RFX4: variants seen among roughly 807,000 people sequenced by gnomAD.
RFX4 encodes the protein regulatory factor X4, also known as transcription factor RFX4.
A neutral mutation model predicts 95.0 loss-of-function variants in RFX4; 10 were observed. The observed-to-expected ratio is 0.11, with a 90% CI of 0.06 to 0.18. The LOEUF (loss-of-function observed/expected upper bound fraction) is 0.18. RFX4 is among the 10% of genes least tolerant of loss of function. RFX4 has a pLI of 1.00. For missense variants in RFX4, 640 were observed against 922.0 expected, an observed-to-expected ratio of 0.69 and a Z score of 3.96; for synonymous variants, 321 against 340.7, an observed-to-expected ratio of 0.94 and a Z score of 0.64.
At chr12:106,642,072 G>A (rs571879247) in intron 3 of RFX4, among the ~76,000 whole-genome samples, 19 of 151,652 alleles carry the variant, frequency 1.3e-4, no homozygotes, top group African/African-American at 3.9e-4. Context: ...GTGCAATGGC[G>A]TGAGCTCGGT....
intron 4 of RFX4, among the ~76,000 whole-genome samples, chr12:106,674,858 C>T (rs1463943654): frequency 6.6e-6 from 1 of 152,120 alleles, no homozygotes; most frequent in African/African-American, 2.4e-5. Flanking sequence ...TGAATGAATC[C>T]CTGCTTTGTA....
chr12:106,704,856 G>A (rs560213925), intron 8 of RFX4, among the ~76,000 whole-genome samples: 5 of 152,116 alleles, frequency 3.3e-5, no homozygotes, highest in East Asian at 1.9e-4. Context: ...TGTGTGTGTC[G>A]TATGGGCAGG....
chr12:106,630,656 T>C (rs2040401491), intron 2 of RFX4, among the ~76,000 whole-genome samples: 1 of 152,156 alleles, frequency 6.6e-6, no homozygotes, highest in Non-Finnish European at 1.5e-5. Context: ...TGAAAGGAAA[T>C]AGAATTAGAA....
At chr12:106,731,658 G>A (rs2042612653) in intron 13 of RFX4, among the ~76,000 whole-genome samples, 1 of 152,206 alleles carries the variant, frequency 6.6e-6, no homozygotes, top group African/African-American at 2.4e-5. Flanking sequence ...ATTATGTCAG[G>A]TACATTAGTA....
Position 106,596,953 on chromosome 12 carries a change from G to A in RFX4, c.44-11844G>A, listed in dbSNP as rs918262556. On this transcript the variant is annotated intron_variant, in intron 1 of 17. Coordinates refer to ENST00000392842, the MANE Select transcript of RFX4 (RefSeq NM_213594.3). ...TACTTTCTAGGAAGCCTGGCCCAAG[G>A]GCCCCTGCAAACTTGTTTGTGCCTG... 3.3e-5 allele frequency among the ~76,000 whole-genome samples: 5 copies of A among 152,280 alleles called. No homozygotes were observed. The South Asian group carries it at 8.3e-4, about 25-fold the overall frequency.
chr12:106,697,895 T>C (rs1428175718), intron 8 of RFX4, among the ~76,000 whole-genome samples: 3 of 152,144 alleles, frequency 2.0e-5, no homozygotes, highest in Admixed American at 1.3e-4. Flanking sequence ...TACTATAAAA[T>C]ACAATGCTAG....
At chr12:106,611,528 T>G (rs556306922) in intron 2 of RFX4, among the ~76,000 whole-genome samples, 53 of 151,994 alleles carry the variant, frequency 3.5e-4, no homozygotes, top group African/African-American at 1.2e-3. Flanking sequence ...TTTTTTTTTT[T>G]CAGACAGAGT....
At chr12:106,601,835 C>T (rs957254705) in intron 1 of RFX4, among the ~76,000 whole-genome samples, 1 of 152,222 alleles carries the variant, frequency 6.6e-6, no homozygotes, top group Non-Finnish European at 1.5e-5. Context: ...CCAGGCCTTT[C>T]ACAGCTTTGT....
chr12:106,720,990 ACATCTCTTC>A lies in RFX4; in HGVS notation c.1351+115_1351+123del. On this transcript the variant is annotated intron_variant, in intron 13 of 17. Coordinates refer to ENST00000392842, the MANE Select transcript of RFX4 (RefSeq NM_213594.3). The surrounding 1 kb of genome is among the most constrained non-coding windows in gnomAD (Gnocchi z 4.2). ...TTCTGCAAGGTCATCACCCTGAAACACATCTCTTCTGGGGAGACATGACATTGTTAGGAC... is the reference window on the plus strand; with the variant it reads ...TTCTGCAAGGTCATCACCCTGAAACATGGGGAGACATGACATTGTTAGGAC... 1.2e-6 allele frequency: 1 copy of A among 842,012 alleles called. No homozygotes were observed. Among genetic ancestry groups the A allele is most frequent in the Non-Finnish European group, 2.0e-6 (1 of 506,310 alleles). 52.2% of individuals were successfully genotyped at this position (842,012 alleles called of 1,614,324 possible). A position where few individuals can be genotyped will look rare whatever the true frequency, so the allele number is the denominator to read the frequency against.
chr12:106,627,533 G>A (rs903676559), intron 2 of RFX4, among the ~76,000 whole-genome samples: 11 of 151,970 alleles, frequency 7.2e-5, no homozygotes, highest in Non-Finnish European at 1.3e-4. Context: ...GTGAAACTCC[G>A]TCTCAGAAAA....
At chr12:106,753,132 C>T (rs1439095559) in intron 17 of RFX4, among the ~76,000 whole-genome samples, 3 of 152,144 alleles carry the variant, frequency 2.0e-5, no homozygotes, top group East Asian at 1.9e-4. Context: ...CATTGCTTTC[C>T]AGGACAAGTT....
intron 5 of RFX4, chr12:106,685,007 C>T (rs574992172): frequency 6.4e-7 from 1 of 1,562,546 alleles, no homozygotes; most frequent in East Asian, 2.3e-5. Context: ...AATGCCTTCT[C>T]ATCTGTATGA....
At chr12:106,711,233 G>A (rs2042186277) in intron 9 of RFX4, among the ~76,000 whole-genome samples, 1 of 152,138 alleles carries the variant, frequency 6.6e-6, no homozygotes. Flanking sequence ...TTTGAAATAT[G>A]TACCCCAAAT....
intron 17 of RFX4, among the ~76,000 whole-genome samples, chr12:106,754,549 C>A (rs1489039930): frequency 2.0e-5 from 3 of 152,138 alleles, no homozygotes; most frequent in Non-Finnish European, 4.4e-5. Flanking sequence ...CTTCCTCATT[C>A]CCCCTCATGA....
intron 4 of RFX4, among the ~76,000 whole-genome samples, chr12:106,659,152 A>G (rs1222565469): frequency 6.6e-6 from 1 of 152,154 alleles, no homozygotes; most frequent in Non-Finnish European, 1.5e-5. Flanking sequence ...TTAGATGTTA[A>G]AAGTCCAGTC....
At chr12:106,615,298 G>C (rs2040051874) in intron 2 of RFX4, among the ~76,000 whole-genome samples, 1 of 152,082 alleles carries the variant, frequency 6.6e-6, no homozygotes, top group Admixed American at 6.6e-5. Context: ...TATATATTTG[G>C]ATCTGGGTCT....
intron 4 of RFX4, among the ~76,000 whole-genome samples, chr12:106,672,219 T>C (rs555400372): frequency 1.3e-5 from 2 of 151,998 alleles, no homozygotes; most frequent in East Asian, 3.9e-4. Flanking sequence ...AACTGGAGTG[T>C]GGTGTATGGG....
At chr12:106,640,182 C>T (rs927221652) in intron 3 of RFX4, among the ~76,000 whole-genome samples, 3 of 152,160 alleles carry the variant, frequency 2.0e-5, no homozygotes, top group Non-Finnish European at 4.4e-5. Flanking sequence ...ATTGTTGTGC[C>T]CATTTAACTG....
chr12:106,646,955 T>A (rs1261412080), intron 3 of RFX4, among the ~76,000 whole-genome samples: 1 of 152,120 alleles, frequency 6.6e-6, no homozygotes, highest in Non-Finnish European at 1.5e-5. Flanking sequence ...GGCTTAATGG[T>A]TGTGTAATGA....
Sources: allele counts gnomAD v4.1 joint callset (sites outside exome capture counted in the v4.1 genomes callset), GRCh38; gene constraint gnomAD v4.1.1; non-coding constraint Gnocchi (gnomAD v3.1); transcripts MANE v1.5; gene names NCBI Gene and HGNC (gene_info 2026-07-23, HGNC 2026-07-21).